The following C10orf143 variants were observed in gnomAD, a reference collection of about 807,000 sequenced individuals.
The protein encoded by C10orf143 is uncharacterized protein C10orf143.
Position 130,065,966 on chromosome 10 carries a change from G to A in C10orf143, c.298-1583C>T, listed in dbSNP as rs72843884. ...TAGGGAAGAGACAGGGGAACTGCAG[G>A]GAAATGCTGTTTAATTCATTTCGTC... On this transcript the variant is annotated intron_variant, in intron 3 of 3. Transcript: ENST00000637128. This position sits in a 1 kb window ranked among gnomAD's most constrained non-coding sequence, Gnocchi z 4.2. 0.15 allele frequency: 23,344 copies of A among 152,022 alleles called. 2,404 individuals are homozygous for A. Among genetic ancestry groups the A allele is most frequent in the Non-Finnish European group, 0.22 (14,845 of 67,974 alleles). The allele number at this position is 152,022 out of a possible 1,614,324, so 9.4% of individuals were successfully genotyped here. A position where few individuals can be genotyped will look rare whatever the true frequency, so the allele number is the denominator to read the frequency against.
chr10:130,084,564 T>C (rs1861260360), intron 1 of C10orf143, among the ~76,000 whole-genome samples: 1 of 152,108 alleles, frequency 6.6e-6, no homozygotes, highest in East Asian at 1.9e-4. Flanking sequence ...CCCAGTGGTG[T>C]TGCATTAGAA....
At chr10:130,086,488 T>C (rs563653546) in intron 1 of C10orf143, among the ~76,000 whole-genome samples, 15 of 152,350 alleles carry the variant, frequency 9.8e-5, no homozygotes, top group Non-Finnish European at 5.9e-5. Context: ...CAGCCTTCTA[T>C]GTCTTCACCT....
chr10:130,071,709 C>A (rs971411427), intron 3 of C10orf143, among the ~76,000 whole-genome samples: 2 of 152,174 alleles, frequency 1.3e-5, no homozygotes, highest in Non-Finnish European at 2.9e-5. Context: ...CTCACCGCAA[C>A]CTCTGCCTCC....
chr10:130,078,809 T>C (rs1194115940), intron 3 of C10orf143, among the ~76,000 whole-genome samples: 1 of 152,128 alleles, frequency 6.6e-6, no homozygotes, highest in Non-Finnish European at 1.5e-5. Context: ...AAAACAGCAA[T>C]ACATTTCTCT....
chr10:130,107,698 G>C (rs573587877), intron 1 of C10orf143: 105 of 1,271,136 alleles, frequency 8.3e-5, no homozygotes, highest in East Asian at 4.5e-4. Flanking sequence ...TGCCTCCAGG[G>C]GGGGAAGGAA....
chr10:130,084,765 C>T (rs1356252143), intron 1 of C10orf143, among the ~76,000 whole-genome samples: 1 of 152,046 alleles, frequency 6.6e-6, no homozygotes, highest in African/African-American at 2.4e-5. Context: ...TTTCGAAATA[C>T]CATTTTCCCT....
chr10:130,067,400 G>A (rs2134748821), intron 3 of C10orf143: 1 of 152,344 alleles, frequency 6.6e-6, no homozygotes, highest in East Asian at 1.9e-4. Context: ...TGTGGACTGG[G>A]GGAGGAGAGA....
intron 1 of C10orf143, chr10:130,104,461 T>C (rs969816499): frequency 5.3e-5 from 8 of 152,220 alleles, no homozygotes; most frequent in African/African-American, 1.2e-4. Context: ...ACAGAGCCTC[T>C]AGGCTGGGAA....
In C10orf143 at chr10:130,074,745, G is replaced by T. The variant is rs115285145; in HGVS notation, c.297+4821C>A. On this transcript the variant is annotated intron_variant, in intron 3 of 3. Transcript: ENST00000637128. ...CAAAATAAACAGAAATACTTTAAAG[G>T]TAACCCATTTGGAGATAAAAAGAAA... is the stretch of plus-strand genomic sequence containing the variant. Among the ~76,000 whole-genome samples, 826 of 152,180 alleles carry T rather than the reference G, an allele frequency of 5.4e-3. 9 individuals carry two copies. Among genetic ancestry groups the T allele is most frequent in the African/African-American group, 0.019 (769 of 41,512 alleles).
intron 3 of C10orf143, among the ~76,000 whole-genome samples, chr10:130,075,611 G>C (rs1708274183): frequency 6.6e-6 from 1 of 152,212 alleles, no homozygotes. Context: ...GAGCTGATAT[G>C]GTTCGGCTCT....
intron 3 of C10orf143, among the ~76,000 whole-genome samples, chr10:130,046,319 A>G (rs1860672244): frequency 6.6e-6 from 1 of 151,990 alleles, no homozygotes; most frequent in South Asian, 2.1e-4. Flanking sequence ...GCAGGTGGGC[A>G]GCCCCACCTG....
intron 1 of C10orf143, chr10:130,104,222 A>T (rs780911477): frequency 2.0e-5 from 3 of 152,234 alleles, no homozygotes; most frequent in Non-Finnish European, 4.4e-5. Context: ...GCAGGCGCTC[A>T]AAACATGTCT....
chr10:130,052,287 G>A (rs1427349585), intron 3 of C10orf143, among the ~76,000 whole-genome samples: 1 of 152,004 alleles, frequency 6.6e-6, no homozygotes, highest in South Asian at 2.1e-4. Context: ...AAGAAGTGGG[G>A]GTCCATGTAC....
At chr10:130,062,152 A>G (rs1380010690), downstream of C10orf143, among the ~76,000 whole-genome samples, 1 of 152,172 alleles carries the variant, frequency 6.6e-6, no homozygotes, top group East Asian at 1.9e-4. Context: ...TGAAAACACC[A>G]AGAAAATGTT....
At chr10:130,048,260 G>C (rs1860699075) in intron 3 of C10orf143, among the ~76,000 whole-genome samples, 1 of 152,200 alleles carries the variant, frequency 6.6e-6, no homozygotes, top group Non-Finnish European at 1.5e-5. Flanking sequence ...GCAGGCCCAG[G>C]GGAAAGATGA....
intron 3 of C10orf143, among the ~76,000 whole-genome samples, chr10:130,046,538 T>A (rs746078126): frequency 9.2e-5 from 14 of 152,250 alleles, no homozygotes; most frequent in Non-Finnish European, 1.8e-4. Flanking sequence ...GAAGTGTGTT[T>A]TCCCCGAGGA....
At chr10:130,047,662 C>T (rs1860692339) in intron 3 of C10orf143, among the ~76,000 whole-genome samples, 1 of 152,218 alleles carries the variant, frequency 6.6e-6, no homozygotes, top group Non-Finnish European at 1.5e-5. Context: ...TTCTCTTTCA[C>T]TCCTGTCCCT....
intron 3 of C10orf143, among the ~76,000 whole-genome samples, chr10:130,055,712 G>A (rs564790447): frequency 1.3e-5 from 2 of 152,216 alleles, no homozygotes; most frequent in African/African-American, 2.4e-5. Flanking sequence ...TTAGGAGGCC[G>A]AGGCAGGCAG....
In C10orf143 at chr10:130,108,548, CTT is replaced by C. The variant is rs1861704338; in HGVS notation, c.69+2154_69+2155del. The C allele has an allele frequency of 6.5e-6, 4 of 615,666 alleles. No homozygotes were observed. In the South Asian group the frequency reaches 7.8e-5, roughly 12 times the overall value. The allele number at this position is 615,666 out of a possible 1,614,324, so 38.1% of individuals were successfully genotyped here. ...GATTACACTTTTGCTCAAATTGAAA[CTT>C]AATGGAATTATAATTCTTAGGATAG... On this transcript the variant is annotated intron_variant, in intron 1 of 3. Coordinates refer to ENST00000637128, the MANE Select transcript of C10orf143 (RefSeq NM_001355042.2).
Sources: allele counts gnomAD v4.1 joint callset (sites outside exome capture counted in the v4.1 genomes callset), GRCh38; gene constraint gnomAD v4.1.1; non-coding constraint Gnocchi (gnomAD v3.1); transcripts MANE v1.5; gene names NCBI Gene and HGNC (gene_info 2026-07-23, HGNC 2026-07-21).